Variants in RNF125 observed in about 807,000 individuals in gnomAD.
RNF125 encodes the protein ring finger protein 125.
RNF125 carries 21 observed loss-of-function variants against 26.0 expected under a neutral mutation model. That is an observed-to-expected ratio of 0.81 (90% CI 0.57 to 1.16). RNF125 has a LOEUF of 1.16. Among genes scored for constraint, RNF125 ranks in the 50% most tolerant of loss-of-function variants. The pLI is 0.00. For missense variants in RNF125, 270 were observed against 299.4 expected (o/e 0.90, Z 0.72); for synonymous variants, 95 against 109.2 (o/e 0.87, Z 0.81).
At chr18:32,064,238 A>G (rs1167579358) in intron 4 of RNF125, among the ~76,000 whole-genome samples, 1 of 151,312 alleles carries the variant, frequency 6.6e-6, no homozygotes, top group East Asian at 2.0e-4. Context: ...CAAGTGATCC[A>G]CCTCCCAAAG....
chr18:32,027,155 C>T (rs1265315178), intron 1 of RNF125, among the ~76,000 whole-genome samples: 1 of 151,698 alleles, frequency 6.6e-6, no homozygotes, highest in East Asian at 1.9e-4. Flanking sequence ...GTCTTGTTCC[C>T]TGAAAGGGAA....
the RNF125 span, among the ~76,000 whole-genome samples, chr18:32,081,456 C>G: frequency 1.3e-5 from 2 of 151,872 alleles, no homozygotes; most frequent in Non-Finnish European, 2.9e-5. Flanking sequence ...TTTTTTTCAC[C>G]CACTGGTCTC....
intron 4 of RNF125, among the ~76,000 whole-genome samples, chr18:32,058,527 G>C (rs2039407241): frequency 6.6e-6 from 1 of 152,024 alleles, no homozygotes; most frequent in Non-Finnish European, 1.5e-5. Flanking sequence ...TGTATTTTTA[G>C]TAGAGACAGG....
chr18:32,083,578 C>T, the RNF125 span, among the ~76,000 whole-genome samples: 23 of 152,084 alleles, frequency 1.5e-4, no homozygotes, highest in African/African-American at 4.6e-4. Flanking sequence ...TCTGTCCTGG[C>T]GAGGAAGCCG....
rs1484592504 is a variant in RNF125, at chr18:32,065,764, C to T, written c.505-138C>T. ...GCCAGGATGGTCTCCATCTCTTGAC[C>T]TGGTGATCCGGCCGCCTCTGCCTCC... On this transcript the variant is annotated intron_variant, in intron 4 of 5. Transcript: ENST00000217740. 9.8e-6 allele frequency: 6 copies of T among 614,772 alleles called. No homozygotes were observed. The East Asian group carries it at 1.6e-4, about 17-fold the overall frequency. The allele number at this position is 614,772 out of a possible 1,614,324, so 38.1% of individuals were successfully genotyped here.
chr18:32,086,857 G>T, the RNF125 span, among the ~76,000 whole-genome samples: 3 of 151,922 alleles, frequency 2.0e-5, no homozygotes, highest in Non-Finnish European at 2.9e-5. Context: ...CCACTATGTT[G>T]TCCAGGCTGG....
intron 4 of RNF125, among the ~76,000 whole-genome samples, chr18:32,065,681 T>A (rs2039477811): frequency 6.6e-6 from 1 of 152,140 alleles, no homozygotes; most frequent in Non-Finnish European, 1.5e-5. Context: ...TATAGGCACG[T>A]ACCACCACGC....
At chr18:32,031,063 T>G (rs1424385592) in intron 1 of RNF125, 2 of 152,090 alleles carry the variant, frequency 1.3e-5, no homozygotes, top group Non-Finnish European at 2.9e-5. Flanking sequence ...AAATGCCTCC[T>G]GAAGGTTCCA....
At chr18:32,029,666 T>A (rs1469907535) in intron 1 of RNF125, among the ~76,000 whole-genome samples, 1 of 152,106 alleles carries the variant, frequency 6.6e-6, no homozygotes, top group Non-Finnish European at 1.5e-5. Flanking sequence ...CAAAGACATT[T>A]GTTGTCAGAT....
chr18:32,083,891 G>A, the RNF125 span, among the ~76,000 whole-genome samples: 521 of 150,390 alleles, frequency 3.5e-3, 1 homozygote, highest in African/African-American at 0.012. Flanking sequence ...CAACAGAGGC[G>A]AGACCCTGTC....
intron 4 of RNF125, among the ~76,000 whole-genome samples, chr18:32,048,545 A>T (rs373667): frequency 6.6e-6 from 1 of 151,860 alleles, no homozygotes; most frequent in Admixed American, 6.6e-5. Context: ...ATAAACTGAG[A>T]CTCAGAGAGG....
intron 4 of RNF125, among the ~76,000 whole-genome samples, chr18:32,063,920 G>A (rs1288315121): frequency 6.6e-6 from 1 of 151,690 alleles, no homozygotes; most frequent in Non-Finnish European, 1.5e-5. Context: ...AGGAAATAAA[G>A]GATAGCAACG....
chr18:32,045,535 TG>T (rs2039260769), intron 3 of RNF125, 106 bp from the exon 4 acceptor site: 2 of 608,530 alleles, frequency 3.3e-6, no homozygotes, highest in African/African-American at 4.1e-5. Context: ...CACTCCAGCC[TG>T]GGCCACAGAG....
At chr18:32,061,967 T>A (rs2039439352) in intron 4 of RNF125, among the ~76,000 whole-genome samples, 1 of 152,188 alleles carries the variant, frequency 6.6e-6, no homozygotes, top group Non-Finnish European at 1.5e-5. Context: ...AATGTAGGGA[T>A]CAACTAGACA....
intron 1 of RNF125, among the ~76,000 whole-genome samples, chr18:32,021,346 C>T (rs868197546): frequency 6.6e-6 from 1 of 152,248 alleles, no homozygotes; most frequent in African/African-American, 2.4e-5. Context: ...TCCCAAAGTG[C>T]TGGGATTACA....
the RNF125 span, among the ~76,000 whole-genome samples, chr18:32,086,948 G>T: frequency 6.6e-6 from 1 of 152,042 alleles, no homozygotes; most frequent in African/African-American, 2.4e-5. Context: ...CACCATGCCT[G>T]GCCTTGTCTT....
chr18:32,043,926 A>C (rs1232041640), intron 3 of RNF125, among the ~76,000 whole-genome samples: 1 of 152,200 alleles, frequency 6.6e-6, no homozygotes, highest in African/African-American at 2.4e-5. Flanking sequence ...AAGTGAGCAA[A>C]CAACTCCAAG....
At chr18:32,041,654 G>C in intron 2 of RNF125, among the ~76,000 whole-genome samples, 1 of 103,902 alleles carries the variant, frequency 9.6e-6, no homozygotes, top group Non-Finnish European at 1.8e-5. Flanking sequence ...TTTTTGAGAC[G>C]GAGTCTCGCT....
intron 4 of RNF125, among the ~76,000 whole-genome samples, chr18:32,056,671 A>C (rs2039387937): frequency 6.6e-6 from 1 of 151,458 alleles, no homozygotes; most frequent in East Asian, 1.9e-4. Flanking sequence ...TAATAACATT[A>C]AACAATAAAA....
Sources: allele counts gnomAD v4.1 joint callset (sites outside exome capture counted in the v4.1 genomes callset), GRCh38; gene constraint gnomAD v4.1.1; transcripts MANE v1.5; gene names NCBI Gene and HGNC (gene_info 2026-07-23, HGNC 2026-07-21).